DOCK3: variants seen among roughly 807,000 people sequenced by gnomAD.
DOCK3 encodes the protein dedicator of cytokinesis 3.
Under a neutral mutation model 265.6 loss-of-function variants are expected in DOCK3, and 60 were observed. The observed-to-expected ratio is 0.23, with a 90% CI of 0.18 to 0.28. The LOEUF is 0.28. Ranked by LOEUF, DOCK3 falls within the 10% of genes least tolerant of loss-of-function variation. DOCK3 has a pLI of 1.00. For missense variants in DOCK3, 1,981 were observed against 2,594.3 expected (o/e 0.76, Z 5.14); for synonymous variants, 881 against 938.0 (o/e 0.94, Z 1.11).
intron 23 of DOCK3, among the ~76,000 whole-genome samples, chr3:51,262,751 G>A (rs1350512601): frequency 6.6e-6 from 1 of 152,160 alleles, no homozygotes; most frequent in Non-Finnish European, 1.5e-5. Context: ...GAAAAACACA[G>A]CACAAGAACT....
chr3:51,344,303 C>T (rs557197399), intron 38 of DOCK3, among the ~76,000 whole-genome samples: 6 of 152,280 alleles, frequency 3.9e-5, no homozygotes, highest in Admixed American at 1.3e-4. Context: ...GCTGTCCCTG[C>T]GAGGGAGCAA....
chr3:51,278,635 TACCC>T, intron 26 of DOCK3: 1 of 647,782 alleles, frequency 1.5e-6, no homozygotes, highest in Non-Finnish European at 1.9e-6. Flanking sequence ...TATATATATG[TACCC>T]TGGCATTTCC....
intron 5 of DOCK3, among the ~76,000 whole-genome samples, chr3:51,015,684 G>A (rs1395865729): frequency 7.6e-6 from 1 of 131,344 alleles, no homozygotes; most frequent in Non-Finnish European, 1.6e-5. Context: ...TTTTGGAATA[G>A]TTTGATTAGG....
chr3:50,858,448 T>TAATAATAAAAATAAA (rs1172394817), intron 3 of DOCK3, among the ~76,000 whole-genome samples: 1 of 122,280 alleles, frequency 8.2e-6, no homozygotes, highest in African/African-American at 2.7e-5. Context: ...ATAATAATAA[T>TAATAATAAAAATAAA]AATAAAAATA....
At chr3:51,103,983 A>G (rs12485754) in intron 9 of DOCK3, among the ~76,000 whole-genome samples, 10,932 of 152,290 alleles carry the variant, frequency 0.072, 990 homozygotes, top group East Asian at 0.33. Flanking sequence ...TCAATTATTT[A>G]TATACAGATA....
At chr3:50,690,854 G>A (rs1439534155) in intron 1 of DOCK3, among the ~76,000 whole-genome samples, 1 of 151,726 alleles carries the variant, frequency 6.6e-6, no homozygotes, top group East Asian at 2.0e-4. Context: ...TGTTCGCCAA[G>A]CTGGTCTCAA....
At chr3:51,290,117 G>C (rs891990258) in intron 27 of DOCK3, among the ~76,000 whole-genome samples, 5 of 152,250 alleles carry the variant, frequency 3.3e-5, no homozygotes, top group African/African-American at 9.6e-5. Context: ...CATTGTGGAA[G>C]ACAGTGTGGC....
At chr3:50,727,697 A>G (rs1053386615) in intron 1 of DOCK3, among the ~76,000 whole-genome samples, 1 of 152,128 alleles carries the variant, frequency 6.6e-6, no homozygotes, top group African/African-American at 2.4e-5. Flanking sequence ...GGCTCCTCAA[A>G]CAAAACAAAA....
Position 51,316,636 on chromosome 3 carries a change from C to T in DOCK3, c.3402+1508C>T, listed in dbSNP as rs1376555635. ...TAACCAGTACTTAGTATTATCTGTT[C>T]GTTTGTTTTAGCCATTCTAATAGGT... On this transcript the variant is annotated intron_variant, in intron 32 of 52. Coordinates refer to ENST00000266037, the MANE Select transcript of DOCK3 (RefSeq NM_004947.5). Among the ~76,000 whole-genome samples, 8 of 152,078 alleles carry T rather than the reference C, an allele frequency of 5.3e-5. No homozygotes were observed. In the South Asian group the frequency reaches 8.3e-4, roughly 16 times the overall value.
intron 3 of DOCK3, among the ~76,000 whole-genome samples, chr3:50,845,619 T>A (rs2046043158): frequency 1.3e-5 from 2 of 152,056 alleles, no homozygotes; most frequent in African/African-American, 4.8e-5. Context: ...TCTAAGGAAT[T>A]TACACTTTGG....
rs562182422 is a variant in DOCK3 at position 51,101,042 on chromosome 3, C to T, written c.746+10658C>T. Reference sequence around the variant, plus strand: ...CTGATCTCGAACTCTTGGCCTCAAGCGATTCTCCCACCTCTGCCTCCCAAA... The same window carrying T: ...CTGATCTCGAACTCTTGGCCTCAAGTGATTCTCCCACCTCTGCCTCCCAAA... On this transcript the variant is annotated intron_variant, in intron 9 of 52. Coordinates refer to ENST00000266037, the MANE Select transcript of DOCK3 (RefSeq NM_004947.5). Among the ~76,000 whole-genome samples the T allele has an allele frequency of 1.5e-4, 23 of 151,282 alleles. No individual in the cohort carries two copies. In the East Asian group the frequency reaches 3.3e-3, roughly 22 times the overall value.
At chr3:51,126,847 G>A (rs1163226564) in intron 9 of DOCK3, among the ~76,000 whole-genome samples, 1 of 152,088 alleles carries the variant, frequency 6.6e-6, no homozygotes, top group Non-Finnish European at 1.5e-5. Context: ...TTGCTGTACA[G>A]ATTATTTCAT....
At chr3:50,826,129 A>G (rs1243819431) in intron 2 of DOCK3, among the ~76,000 whole-genome samples, 1 of 150,950 alleles carries the variant, frequency 6.6e-6, no homozygotes, top group African/African-American at 2.4e-5. Flanking sequence ...TTCCTTATAG[A>G]TCTGTATTCT....
intron 19 of DOCK3, among the ~76,000 whole-genome samples, chr3:51,235,082 C>G (rs1402666781): frequency 6.6e-6 from 1 of 152,148 alleles, no homozygotes; most frequent in African/African-American, 2.4e-5. Flanking sequence ...TTTCACAGCT[C>G]CATTAACTCA....
chr3:51,051,445 A>G (rs931256139), intron 5 of DOCK3, among the ~76,000 whole-genome samples: 7 of 152,174 alleles, frequency 4.6e-5, no homozygotes, highest in African/African-American at 1.7e-4. Context: ...GAAATGTGGT[A>G]TGGTAATAGT....
intron 2 of DOCK3, among the ~76,000 whole-genome samples, chr3:50,809,094 A>G (rs902305345): frequency 6.6e-6 from 1 of 152,246 alleles, no homozygotes; most frequent in African/African-American, 2.4e-5. Flanking sequence ...AAAGGAAAAG[A>G]TTGGTAAGTT....
intron 5 of DOCK3, among the ~76,000 whole-genome samples, chr3:51,005,653 C>T (rs2078651133): frequency 6.6e-6 from 1 of 152,138 alleles, no homozygotes; most frequent in Non-Finnish European, 1.5e-5. Flanking sequence ...AAATGTTTAG[C>T]AGGTTCTGTC....
chr3:51,348,061 A>G (rs1365668971), intron 38 of DOCK3, among the ~76,000 whole-genome samples: 1 of 152,180 alleles, frequency 6.6e-6, no homozygotes, highest in Non-Finnish European at 1.5e-5. Flanking sequence ...GGGTTTTCTA[A>G]GTATACAATC....
chr3:51,017,747 G>T (rs184629100), intron 5 of DOCK3, among the ~76,000 whole-genome samples: 1 of 151,760 alleles, frequency 6.6e-6, no homozygotes, highest in East Asian at 1.9e-4. Context: ...CTTGTTTTGT[G>T]TCCTAACATA....
Sources: allele counts gnomAD v4.1 joint callset (sites outside exome capture counted in the v4.1 genomes callset), GRCh38; gene constraint gnomAD v4.1.1; transcripts MANE v1.5; gene names NCBI Gene and HGNC (gene_info 2026-07-23, HGNC 2026-07-21).